The following TLL2 variants were observed in gnomAD, a reference collection of about 807,000 sequenced individuals.
TLL2 encodes the protein tolloid like 2.
A neutral mutation model predicts 123.0 loss-of-function variants in TLL2; 106 were observed. The observed-to-expected ratio is 0.86, with a 90% CI of 0.74 to 1.01. The LOEUF (loss-of-function observed/expected upper bound fraction) is 1.01, where lower values mean the gene tolerates loss of function less well. TLL2 is among the 50% of genes least tolerant of loss of function. The probability of loss-of-function intolerance (pLI) is 0.00; values close to 1 mark genes in which losing one functional copy is unlikely to be tolerated. For missense variants in TLL2, 1,332 were observed against 1,336.7 expected, an observed-to-expected ratio of 1.00 and a Z score of 0.06; for synonymous variants, 494 against 516.8, an observed-to-expected ratio of 0.96 and a Z score of 0.60.
intron 2 of TLL2, among the ~76,000 whole-genome samples, chr10:96,455,456 T>C (rs1417261787): frequency 6.6e-6 from 1 of 152,106 alleles, no homozygotes; most frequent in Non-Finnish European, 1.5e-5. Context: ...CCCAGAAGGT[T>C]AAGGTGTTCT....
At chr10:96,433,911 T>C (rs1846769370) in intron 3 of TLL2, among the ~76,000 whole-genome samples, 1 of 151,986 alleles carries the variant, frequency 6.6e-6, no homozygotes, top group South Asian at 2.1e-4. Flanking sequence ...GAGTAGTTGG[T>C]ATAACAGGCG....
At position 96,366,170 on chromosome 10, in the gene TLL2, C is replaced by G. The variant is rs1483913982; in HGVS notation, c.*1918G>C. The stretch of plus-strand genomic sequence containing the variant: ...AATACAAAAATCAGATAAATGGAAT[C>G]TACCCTAACAGGCAGGTGGGATTGG... On this transcript the variant is annotated 3_prime_UTR_variant, in exon 21 of 21. Coordinates refer to ENST00000357947, the MANE Select transcript of TLL2 (RefSeq NM_012465.4). 6.6e-6 allele frequency: 1 copy of G among 152,346 alleles called. No homozygotes were observed. Among genetic ancestry groups the G allele is most frequent in the Non-Finnish European group, 1.5e-5 (1 of 68,040 alleles). The allele number at this position is 152,346 out of a possible 1,614,324, so 9.4% of individuals were successfully genotyped here. A position where few individuals can be genotyped will look rare whatever the true frequency, so the allele number is the denominator to read the frequency against.
intron 5 of TLL2, among the ~76,000 whole-genome samples, chr10:96,424,175 G>C (rs1846654525): frequency 6.6e-6 from 1 of 152,050 alleles, no homozygotes; most frequent in Non-Finnish European, 1.5e-5. Flanking sequence ...GTGGGGGACT[G>C]GTGGGGAAGG....
At position 96,400,911 on chromosome 10, in the gene TLL2, A is replaced by G. The variant is rs974580332; in HGVS notation, c.1268-3609T>C. 3.9e-5 allele frequency among the ~76,000 whole-genome samples: 6 copies of G among 152,076 alleles called. No individual in the cohort carries two copies. The South Asian group carries it at 1.0e-3, about 26-fold the overall frequency. ...CATAAGTGACCCCCAAAACTGACAA[A>G]CCAATTTGATATCTTTAACCAGCCA... On this transcript the variant is annotated intron_variant, in intron 10 of 20. Coordinates refer to ENST00000357947, the MANE Select transcript of TLL2 (RefSeq NM_012465.4).
intron 1 of TLL2, among the ~76,000 whole-genome samples, chr10:96,493,439 C>T (rs542897742): frequency 4.2e-4 from 64 of 152,064 alleles, no homozygotes; most frequent in Non-Finnish European, 8.8e-4. Context: ...GTGCAAAGGC[C>T]CTGGGGTGAG....
chr10:96,376,641 T>A, intron 18 of TLL2, 51 bp downstream of exon 18: 1 of 1,594,250 alleles, frequency 6.3e-7, no homozygotes, highest in Non-Finnish European at 8.5e-7. Flanking sequence ...CAAACGCACA[T>A]CTGCCTGATA....
In TLL2 at chr10:96,372,898, C is replaced by G. The variant is rs192126315; in HGVS notation, c.2662+698G>C. ...CGGGGGGTGGTCTCACCATCTTGCC[C>G]TGGCAGGTCTTGAACTCCTGGGCTC... On this transcript the variant is annotated intron_variant, in intron 19 of 20. Coordinates refer to ENST00000357947, the MANE Select transcript of TLL2 (RefSeq NM_012465.4). Among the ~76,000 whole-genome samples, 164 of 152,280 alleles carry G rather than the reference C, an allele frequency of 1.1e-3. 1 individual carries two copies. The highest frequency in any genetic ancestry group is 3.4e-3 in the Middle Eastern group (1 of 294).
intron 2 of TLL2, among the ~76,000 whole-genome samples, chr10:96,476,467 G>A (rs1052385814): frequency 6.6e-6 from 1 of 151,080 alleles, no homozygotes; most frequent in Non-Finnish European, 1.5e-5. Flanking sequence ...TCACCATGTT[G>A]GCCAGGCTGG....
At chr10:96,440,027 A>G (rs530736557) in intron 3 of TLL2, among the ~76,000 whole-genome samples, 2 of 152,364 alleles carry the variant, frequency 1.3e-5, no homozygotes, top group East Asian at 3.9e-4. Flanking sequence ...GGAGTTTAGA[A>G]GCACCTGCTC....
intron 5 of TLL2, 127 bp downstream of exon 5, chr10:96,428,504 T>C (rs1381823522): frequency 1.5e-6 from 1 of 655,556 alleles, no homozygotes; most frequent in Admixed American, 2.8e-5. Flanking sequence ...GGGCAGAAAG[T>C]TTCTAGCAAA....
At chr10:96,468,210 C>A (rs995009770) in intron 2 of TLL2, among the ~76,000 whole-genome samples, 2 of 152,224 alleles carry the variant, frequency 1.3e-5, no homozygotes, top group Non-Finnish European at 2.9e-5. Flanking sequence ...CCCCAGCACG[C>A]CTTGTCAGCC....
intron 1 of TLL2, 39 bp downstream of exon 1, chr10:96,513,472 G>T: frequency 6.2e-7 from 1 of 1,610,356 alleles, no homozygotes. Flanking sequence ...GCATTTCAAA[G>T]GCAAACTTCT....
chr10:96,417,999 G>C (rs544008477), intron 7 of TLL2, among the ~76,000 whole-genome samples: 1 of 152,188 alleles, frequency 6.6e-6, no homozygotes, highest in Non-Finnish European at 1.5e-5. Context: ...TGCCCTCGGC[G>C]AGCTGCTCTG....
At chr10:96,448,660 T>C (rs1395430666) in intron 2 of TLL2, among the ~76,000 whole-genome samples, 1 of 152,002 alleles carries the variant, frequency 6.6e-6, no homozygotes, top group Non-Finnish European at 1.5e-5. Flanking sequence ...GACAAACAAA[T>C]AGCGAACCAG....
intron 3 of TLL2, among the ~76,000 whole-genome samples, chr10:96,441,661 G>A (rs1846851807): frequency 6.6e-6 from 1 of 152,128 alleles, no homozygotes. Context: ...CTTCCCCTTC[G>A]GAGCCTCACT....
chr10:96,377,504 C>A (rs985920405), intron 17 of TLL2, among the ~76,000 whole-genome samples: 3 of 152,214 alleles, frequency 2.0e-5, no homozygotes, highest in Admixed American at 6.5e-5. Context: ...CATGCATCCT[C>A]TCTTTTAGTC....
At chr10:96,497,417 C>G (rs879933025) in intron 1 of TLL2, among the ~76,000 whole-genome samples, 10 of 152,230 alleles carry the variant, frequency 6.6e-5, no homozygotes, top group African/African-American at 2.4e-4. Flanking sequence ...TCTTCACCCT[C>G]TCCACTCTGC....
chr10:96,433,092 T>C, intron 3 of TLL2, 130 bp from the exon 4 acceptor site: 1 of 1,294,938 alleles, frequency 7.7e-7, no homozygotes, highest in Non-Finnish European at 1.1e-6. Flanking sequence ...TTTCATCAGT[T>C]CAGGGTTTGG....
chr10:96,467,467 A>G (rs1847141862), intron 2 of TLL2, among the ~76,000 whole-genome samples: 1 of 152,156 alleles, frequency 6.6e-6, no homozygotes, highest in Non-Finnish European at 1.5e-5. Context: ...TCCTGGCCTC[A>G]CGTGATCCTT....
Sources: allele counts gnomAD v4.1 joint callset (sites outside exome capture counted in the v4.1 genomes callset), GRCh38; gene constraint gnomAD v4.1.1; transcripts MANE v1.5; gene names NCBI Gene and HGNC (gene_info 2026-07-23, HGNC 2026-07-21).